The following PIP4K2A variants were observed in gnomAD, a reference collection of about 807,000 sequenced individuals.
PIP4K2A encodes the protein phosphatidylinositol-5-phosphate 4-kinase type 2 alpha, also known as phosphatidylinositol 5-phosphate 4-kinase type-2 alpha.
Under a neutral mutation model 42.9 loss-of-function variants are expected in PIP4K2A, and 14 were observed. The ratio of observed to expected loss-of-function variants is 0.33; its 90% CI spans 0.22 to 0.51. PIP4K2A has a LOEUF of 0.51. PIP4K2A is among the 20% of genes least tolerant of loss of function. PIP4K2A has a pLI of 0.97. For missense variants in PIP4K2A, 434 were observed against 519.8 expected (o/e 0.83, Z 1.61); for synonymous variants, 192 against 192.2 (o/e 1.00, Z 0.01).
At chr10:22,565,398 T>C (rs931163576) in intron 6 of PIP4K2A, among the ~76,000 whole-genome samples, 1 of 152,212 alleles carries the variant, frequency 6.6e-6, no homozygotes, top group Admixed American at 6.5e-5. Flanking sequence ...ATTAATACTT[T>C]TGTAATTTCT....
At chr10:22,645,497 G>A (rs985883813) in intron 1 of PIP4K2A, among the ~76,000 whole-genome samples, 29 of 149,336 alleles carry the variant, frequency 1.9e-4, no homozygotes, top group African/African-American at 6.4e-4. Context: ...AATGAGATAC[G>A]ATTGCACCAC....
At position 22,556,599 on chromosome 10, in the gene PIP4K2A, T is replaced by A. The variant is rs116041739; in HGVS notation, c.679-5827A>T. Among the ~76,000 whole-genome samples, 263 of 152,332 alleles carry A rather than the reference T, an allele frequency of 1.7e-3. 1 individual carries two copies. The highest frequency in any genetic ancestry group is 6.2e-3 in the African/African-American group (259 of 41,578). On this transcript the variant is annotated intron_variant, in intron 6 of 9. Coordinates refer to ENST00000376573, the MANE Select transcript of PIP4K2A (RefSeq NM_005028.5). The stretch of plus-strand genomic sequence containing the variant: ...TAATTTTCCATGGGTTAGTTTTTTC[T>A]CAGCACATTATAATAGTGGATAATT...
chr10:22,543,940 G>A (rs1836193606), intron 7 of PIP4K2A, among the ~76,000 whole-genome samples: 1 of 152,166 alleles, frequency 6.6e-6, no homozygotes, highest in African/African-American at 2.4e-5. Context: ...CAGCAGCCAG[G>A]CTCAGCAGCT....
intron 3 of PIP4K2A, among the ~76,000 whole-genome samples, chr10:22,600,340 T>C (rs184308770): frequency 1.5e-3 from 223 of 152,218 alleles, no homozygotes; most frequent in African/African-American, 5.1e-3. Flanking sequence ...TAAGGGAACA[T>C]GCCAATACCG....
intron 1 of PIP4K2A, among the ~76,000 whole-genome samples, chr10:22,619,499 T>C (rs542399770): frequency 1.7e-4 from 25 of 150,330 alleles, no homozygotes; most frequent in African/African-American, 6.0e-4. Flanking sequence ...TGCAATGGCA[T>C]GATCTTAGTT....
intron 3 of PIP4K2A, among the ~76,000 whole-genome samples, chr10:22,605,639 T>C (rs1176352497): frequency 6.6e-6 from 1 of 152,212 alleles, no homozygotes; most frequent in Non-Finnish European, 1.5e-5. Flanking sequence ...CAATAATGAA[T>C]TGAGGAATCT....
intron 1 of PIP4K2A, among the ~76,000 whole-genome samples, chr10:22,704,579 G>A (rs933632710): frequency 6.0e-5 from 9 of 150,580 alleles, no homozygotes; most frequent in Non-Finnish European, 1.3e-4. Flanking sequence ...CTTGAGACCA[G>A]GAGTTTGAGG....
intron 1 of PIP4K2A, among the ~76,000 whole-genome samples, chr10:22,619,439 C>CTTTTTTTTTTT (rs746519034): frequency 2.9e-5 from 4 of 137,508 alleles, no homozygotes; most frequent in African/African-American, 1.1e-4. Flanking sequence ...TTTCTTTTTT[C>CTTTTTTTTTTT]TTTTTTTTTT....
chr10:22,632,654 C>T (rs970789657), intron 1 of PIP4K2A, among the ~76,000 whole-genome samples: 2 of 152,210 alleles, frequency 1.3e-5, no homozygotes, highest in Admixed American at 1.3e-4. Flanking sequence ...ACACTCATAT[C>T]CCTGGCACCT....
chr10:22,550,299 C>T (rs2130759008), intron 7 of PIP4K2A, among the ~76,000 whole-genome samples: 1 of 152,348 alleles, frequency 6.6e-6, no homozygotes, highest in South Asian at 2.1e-4. Flanking sequence ...AGATGCTCTG[C>T]TGGTTGACAC....
In PIP4K2A at chr10:22,621,589, G is replaced by A. The variant is rs141631761; in HGVS notation, c.145-11872C>T. Among the ~76,000 whole-genome samples, 25 of 152,330 alleles carry A rather than the reference G, an allele frequency of 1.6e-4. No homozygotes were observed. The Middle Eastern group carries it at 0.01, about 62-fold the overall frequency. On this transcript the variant is annotated intron_variant, in intron 1 of 9. Coordinates refer to ENST00000376573, the MANE Select transcript of PIP4K2A (RefSeq NM_005028.5). ...TAAATCTCATACCTAAATCTGGCTA[G>A]CCATGGAGAAGATGGGGAGGAGTTT...
At chr10:22,581,339 C>T (rs72816828) in intron 4 of PIP4K2A, among the ~76,000 whole-genome samples, 1,900 of 152,170 alleles carry the variant, frequency 0.012, 24 homozygotes, top group Middle Eastern at 0.065. Flanking sequence ...TCTCAAACTT[C>T]ATAAAAGTGA....
chr10:22,594,486 C>G (rs1470827987), intron 3 of PIP4K2A, among the ~76,000 whole-genome samples: 1 of 152,218 alleles, frequency 6.6e-6, no homozygotes, highest in Non-Finnish European at 1.5e-5. Flanking sequence ...GCCTTGATCT[C>G]CTGGACTCAA....
Position 22,656,240 on chromosome 10 carries a change from G to T in PIP4K2A, c.145-46523C>A, listed in dbSNP as rs1468901814. ...CTCCACATCTACTCAGCTCCTTCTG[G>T]TTAGTGTCCTGTGTCCCCACCTGGG... On this transcript the variant is annotated intron_variant, in intron 1 of 9. Transcript: ENST00000376573. 3.3e-5 allele frequency among the ~76,000 whole-genome samples: 5 copies of T among 152,302 alleles called. No homozygotes were observed. In the East Asian group the frequency reaches 9.7e-4, roughly 29 times the overall value.
rs776296261 is a variant in PIP4K2A at position 22,714,175 on chromosome 10, G to A, written c.144+8C>T. 4 of 1,604,626 alleles carry A rather than the reference G, an allele frequency of 2.5e-6. No individual in the cohort carries two copies. The Admixed American group carries it at 6.7e-5, about 27-fold the overall frequency. On this transcript the variant is annotated splice_region_variant and intron_variant, in intron 1 of 9. Coordinates refer to ENST00000376573, the MANE Select transcript of PIP4K2A (RefSeq NM_005028.5). ...GAAGGGGACCGCGCGCCGCAGCTGA[G>A]CCCTTACCGAGTGGTTTACCCCCCA...
intron 1 of PIP4K2A, among the ~76,000 whole-genome samples, chr10:22,709,234 T>C (rs1024739060): frequency 2.0e-5 from 3 of 152,224 alleles, no homozygotes; most frequent in African/African-American, 7.2e-5. Flanking sequence ...CATCATTTAC[T>C]GAATCCTTAT....
rs915008957 is a variant in PIP4K2A at position 22,552,998 on chromosome 10, T to C, written c.679-2226A>G. On this transcript the variant is annotated intron_variant, in intron 6 of 9. Coordinates refer to ENST00000376573, the MANE Select transcript of PIP4K2A (RefSeq NM_005028.5). Reference sequence around the variant, plus strand: ...GTAACACAAGTCACATTAATGAAGATGAATGCCACTTCAGGTTCACCCCAG... The same window carrying C: ...GTAACACAAGTCACATTAATGAAGACGAATGCCACTTCAGGTTCACCCCAG... 2.0e-5 allele frequency among the ~76,000 whole-genome samples: 3 copies of C among 152,118 alleles called. No homozygotes were observed. The East Asian group carries it at 5.8e-4, about 29-fold the overall frequency.
At chr10:22,670,092 T>C (rs762350489) in intron 1 of PIP4K2A, among the ~76,000 whole-genome samples, 1 of 152,176 alleles carries the variant, frequency 6.6e-6, no homozygotes, top group Non-Finnish European at 1.5e-5. Context: ...CTAAAAAGTA[T>C]GACAGGCCAG....
intron 9 of PIP4K2A, 85 bp from the exon 10 acceptor site, chr10:22,537,366 T>C: frequency 1.9e-6 from 2 of 1,045,258 alleles, no homozygotes; most frequent in South Asian, 1.4e-5. Context: ...CTATTTCCAA[T>C]GGCAACTGAA....
Sources: allele counts gnomAD v4.1 joint callset (sites outside exome capture counted in the v4.1 genomes callset), GRCh38; gene constraint gnomAD v4.1.1; transcripts MANE v1.5; gene names NCBI Gene and HGNC (gene_info 2026-07-23, HGNC 2026-07-21).